ASAP2: variants seen among roughly 807,000 people sequenced by gnomAD.
ASAP2 encodes ArfGAP with SH3 domain, ankyrin repeat and PH domain 2.
In ASAP2, 45 loss-of-function variants were observed where a neutral mutation model predicts 131.4. The observed-to-expected ratio is 0.34, with a 90% CI of 0.27 to 0.44. The LOEUF (loss-of-function observed/expected upper bound fraction) is 0.44, where lower values mean the gene tolerates loss of function less well. ASAP2 is among the 20% of genes least tolerant of loss of function. ASAP2 has a pLI of 1.00. For synonymous variants in ASAP2, 510 were observed against 503.0 expected, an observed-to-expected ratio of 1.01 and a Z score of -0.19; for missense variants, 1,011 against 1,297.0, an observed-to-expected ratio of 0.78 and a Z score of 3.39.
intron 19 of ASAP2, among the ~76,000 whole-genome samples, chr2:9,379,453 G>A (rs1282770925): frequency 6.6e-6 from 1 of 152,046 alleles, no homozygotes; most frequent in African/African-American, 2.4e-5. Flanking sequence ...CGGATTACAG[G>A]GGGAGATGCT....
chr2:9,378,068 T>C (rs1674543601), intron 18 of ASAP2, among the ~76,000 whole-genome samples: 2 of 152,026 alleles, frequency 1.3e-5, no homozygotes, highest in African/African-American at 4.8e-5. Flanking sequence ...TGGGGGAGAA[T>C]TCTGAAAATG....
chr2:9,267,192 T>G (rs1203197963), intron 1 of ASAP2, among the ~76,000 whole-genome samples: 4 of 152,190 alleles, frequency 2.6e-5, no homozygotes, highest in African/African-American at 9.7e-5. Flanking sequence ...GTAGGTTTGC[T>G]ACGTGGGATA....
At chr2:9,291,356 T>C (rs1667795460) in intron 2 of ASAP2, among the ~76,000 whole-genome samples, 1 of 152,222 alleles carries the variant, frequency 6.6e-6, no homozygotes, top group Admixed American at 6.5e-5. Flanking sequence ...AAAATGGTTC[T>C]CTCTCACGAG....
At position 9,401,393 on chromosome 2, in the gene ASAP2, G is replaced by C; in HGVS notation, c.2943G>C (p.Trp981Cys). ...TGGACGGGGAGGAGGACCAGGAGTG[G>C]TGGGTGAGTCAAGGGTGGGCCTGGG... The part of the protein sequence containing the change: ...IIVDGEEDQE[W>C]WIGHIDGDPG... The change falls in exon 27 of 28, where the codon TGG becomes TGC. Residue 981 changes from tryptophan (W) to cysteine (C), a missense_variant. By Grantham distance (215) the Trp-to-Cys change is radical (BLOSUM62 -2). Transcript: ENST00000281419. 1 of 1,613,410 alleles carries C rather than the reference G, an allele frequency of 6.2e-7. No individual in the cohort carries two copies. The highest frequency in any genetic ancestry group is 8.5e-7 in the Non-Finnish European group (1 of 1,179,816).
At chr2:9,239,614 TC>T (rs1192214002) in intron 1 of ASAP2, among the ~76,000 whole-genome samples, 2 of 152,122 alleles carry the variant, frequency 1.3e-5, no homozygotes, top group East Asian at 3.9e-4. Context: ...GAGTCCCATT[TC>T]CCCTAATATT....
intron 15 of ASAP2, among the ~76,000 whole-genome samples, chr2:9,366,661 C>G (rs998561696): frequency 2.6e-5 from 4 of 152,188 alleles, no homozygotes; most frequent in Non-Finnish European, 4.4e-5. Flanking sequence ...TGCCTCCTGA[C>G]TGATGGCTTG....
At chr2:9,239,370 C>T (rs991705051) in intron 1 of ASAP2, among the ~76,000 whole-genome samples, 1 of 152,124 alleles carries the variant, frequency 6.6e-6, no homozygotes, top group African/African-American at 2.4e-5. Context: ...TGTAGTCACT[C>T]CTGTGGGGCT....
At chr2:9,384,171 AAATT>A (rs1484286761) in intron 20 of ASAP2, among the ~76,000 whole-genome samples, 8 of 152,178 alleles carry the variant, frequency 5.3e-5, no homozygotes, top group South Asian at 2.1e-4. Flanking sequence ...ATAAAAAAAT[AAATT>A]AATTAAAAAG....
chr2:9,226,419 C>T (rs538941639), intron 1 of ASAP2, among the ~76,000 whole-genome samples: 2 of 152,286 alleles, frequency 1.3e-5, no homozygotes, highest in South Asian at 2.1e-4. Context: ...GTCTACTTTC[C>T]GCCCCTCTTG....
intron 1 of ASAP2, among the ~76,000 whole-genome samples, chr2:9,214,390 C>T (rs1455708009): frequency 2.0e-5 from 3 of 152,074 alleles, no homozygotes; most frequent in Non-Finnish European, 4.4e-5. Context: ...CAGGTGACTG[C>T]CACCATGCCC....
In ASAP2 at chr2:9,378,925, T is replaced by C. The variant is rs1674613559; in HGVS notation, c.1833-19T>C. 7.0e-7 allele frequency: 1 copy of C among 1,422,084 alleles called. No individual in the cohort carries two copies. Among genetic ancestry groups the C allele is most frequent in the Non-Finnish European group, 9.3e-7 (1 of 1,074,854 alleles). The allele number at this position is 1,422,084 out of a possible 1,614,324, so 88.1% of individuals were successfully genotyped here. Reference sequence around the variant, plus strand: ...CCTGTGACACACTATGCTCTCTCTCTGTTCCTGTTCTCGGGCAGTGGGAAC... The same window carrying C: ...CCTGTGACACACTATGCTCTCTCTCCGTTCCTGTTCTCGGGCAGTGGGAAC... On this transcript the variant is annotated intron_variant, in intron 18 of 27. Coordinates refer to ENST00000281419, the MANE Select transcript of ASAP2 (RefSeq NM_003887.3).
chr2:9,265,273 A>G (rs1024101943), intron 1 of ASAP2, among the ~76,000 whole-genome samples: 1 of 152,278 alleles, frequency 6.6e-6, no homozygotes, highest in Non-Finnish European at 1.5e-5. Flanking sequence ...TGTAGGTTAC[A>G]TGCAAATATG....
At chr2:9,315,771 C>T (rs1241061157) in intron 3 of ASAP2, among the ~76,000 whole-genome samples, 1 of 152,194 alleles carries the variant, frequency 6.6e-6, no homozygotes, top group African/African-American at 2.4e-5. Context: ...GCACCTTAAA[C>T]TGCGCTTTTC....
At chr2:9,317,560 ACACT>A (rs1426508444) in intron 3 of ASAP2, among the ~76,000 whole-genome samples, 2 of 118,814 alleles carry the variant, frequency 1.7e-5, no homozygotes, top group Non-Finnish European at 3.7e-5. Context: ...ATCCACAATC[ACACT>A]CTCACACACC....
intron 15 of ASAP2, among the ~76,000 whole-genome samples, chr2:9,365,385 C>T (rs1450491986): frequency 1.3e-5 from 2 of 152,176 alleles, no homozygotes; most frequent in Non-Finnish European, 2.9e-5. Flanking sequence ...AGTCTGGTTT[C>T]TCTCACTTGC....
chr2:9,298,517 G>A (rs1668287826), intron 3 of ASAP2, among the ~76,000 whole-genome samples: 1 of 152,214 alleles, frequency 6.6e-6, no homozygotes, highest in Non-Finnish European at 1.5e-5. Context: ...ATCCCCTGGG[G>A]CTTTGGTCAA....
At chr2:9,211,937 A>G (rs1189045953) in intron 1 of ASAP2, among the ~76,000 whole-genome samples, 3 of 152,224 alleles carry the variant, frequency 2.0e-5, no homozygotes, top group African/African-American at 7.2e-5. Context: ...TGATGGGTCA[A>G]ACAGGGCCAC....
intron 1 of ASAP2, among the ~76,000 whole-genome samples, chr2:9,220,662 T>C (rs1662353348): frequency 6.6e-6 from 1 of 152,260 alleles, no homozygotes; most frequent in Admixed American, 6.5e-5. Flanking sequence ...GTTTTTTCAC[T>C]CATTTGATGG....
intron 1 of ASAP2, among the ~76,000 whole-genome samples, chr2:9,216,934 A>G (rs1662094003): frequency 6.6e-6 from 1 of 152,052 alleles, no homozygotes; most frequent in Non-Finnish European, 1.5e-5. Context: ...TGGGGCACTT[A>G]TTATGTGCCA....
Sources: gnomAD v4.1 joint callset for allele counts (sites outside exome capture counted in the v4.1 genomes callset) on GRCh38, gnomAD v4.1.1 for gene constraint, MANE v1.5 for transcripts, NCBI Gene and HGNC (gene_info 2026-07-23, HGNC 2026-07-21) for gene names.